Variants in KEL observed in about 807,000 individuals in gnomAD.
KEL encodes the protein kell blood group glycoprotein.
In KEL, 96 loss-of-function variants were observed where a neutral mutation model predicts 99.5. The observed-to-expected ratio is 0.97, with a 90% CI of 0.82 to 1.14. The LOEUF is 1.14. Ranked by LOEUF, KEL falls within the 50% of genes most tolerant of loss-of-function variation. The pLI, the probability that KEL is intolerant of heterozygous loss-of-function variation, is 0.00. For missense variants in KEL, 926 were observed against 924.2 expected, an observed-to-expected ratio of 1.00 and a Z score of -0.03; for synonymous variants, 355 against 354.8, an observed-to-expected ratio of 1.00 and a Z score of -0.01.
chr7:142,954,544 C>T lies in KEL; in HGVS notation c.673-17G>A, dbSNP rs779494156. 1 of 1,613,442 alleles carries T rather than the reference C, an allele frequency of 6.2e-7. No homozygotes were observed. The highest frequency in any genetic ancestry group is 8.5e-7 in the Non-Finnish European group (1 of 1,179,474). On this transcript the variant is annotated splice_polypyrimidine_tract_variant and intron_variant, in intron 6 of 18. Transcript: ENST00000355265. ...CTGGTCTATCTGGGCACAAGAGAGA[C>T]TGGAGAGAAGCAGGGAGCATGGCGG...
chr7:142,943,213 CTCCCTTGTGGTCTTCCCTTAGGT>C, intron 16 of KEL, 40 bp downstream of exon 16: 1 of 1,589,950 alleles, frequency 6.3e-7, no homozygotes, highest in Non-Finnish European at 8.6e-7. Context: ...CCCTCCAGGC[CTCCCTTGTGGTCTTCCCTTAGGT>C]TCCCTATTAT....
chr7:142,960,134 C>T (rs1796920943), intron 4 of KEL, among the ~76,000 whole-genome samples: 1 of 152,214 alleles, frequency 6.6e-6, no homozygotes, highest in Non-Finnish European at 1.5e-5. Flanking sequence ...AGGAACTTTA[C>T]TTCCACTGCC....
At chr7:142,961,297 TG>T (rs1796951646) in intron 3 of KEL, 62 bp downstream of exon 3, 1 of 1,608,314 alleles carries the variant, frequency 6.2e-7, no homozygotes, top group Non-Finnish European at 8.5e-7. Context: ...GAGCAGGGAC[TG>T]GGCCTGGGCC....
Position 142,954,049 on chromosome 7 carries a change from G to A in KEL, c.925-93C>T, listed in dbSNP as rs1451672156. The A allele has an allele frequency of 1.0e-5, 15 of 1,480,298 alleles. No individual in the cohort carries two copies. The East Asian group carries it at 2.0e-4, about 20-fold the overall frequency. The allele number at this position is 1,480,298 out of a possible 1,614,324, so 91.7% of individuals were successfully genotyped here. A position where few individuals can be genotyped will look rare whatever the true frequency, so the allele number is the denominator to read the frequency against. On this transcript the variant is annotated intron_variant, in intron 8 of 18. Transcript: ENST00000355265. ...GGGTGTGAGAAAAAGAAGAGAACAG[G>A]CTAACTGGGGGAGGGGATGGAGTCA...
intron 10 of KEL, among the ~76,000 whole-genome samples, chr7:142,948,933 A>C (rs1461488580): frequency 7.5e-6 from 1 of 133,598 alleles, no homozygotes; most frequent in Non-Finnish European, 1.5e-5. Context: ...CACACACACT[A>C]GAAACCTGAA....
intron 4 of KEL, among the ~76,000 whole-genome samples, chr7:142,958,741 T>C (rs1796889924): frequency 6.6e-6 from 1 of 152,224 alleles, no homozygotes; most frequent in Non-Finnish European, 1.5e-5. Context: ...ACATATCTCA[T>C]TAACATAGCT....
chr7:142,941,198 G>A lies in KEL; in HGVS notation c.*54C>T. On this transcript the variant is annotated 3_prime_UTR_variant, in exon 19 of 19. Coordinates refer to ENST00000355265, the MANE Select transcript of KEL (RefSeq NM_000420.3). ...AATCTTGCTCTGATTCCATGGATGT[G>A]ACCAGGGAGGTGTTGGTCGATATTT... 6.4e-7 allele frequency: 1 copy of A among 1,570,358 alleles called. No individual in the cohort carries two copies. The highest frequency in any genetic ancestry group is 8.8e-7 in the Non-Finnish European group (1 of 1,140,174).
At position 142,954,453 on chromosome 7, in the gene KEL, G is replaced by C. The variant is rs1796776062; in HGVS notation, c.735+12C>G. On this transcript the variant is annotated intron_variant, in intron 7 of 18. Transcript: ENST00000355265. ...CTCAGAGGGCAGGGCCTTTGTCCAT[G>C]TGCCATCTTACCTGGGCATAGATCT... 2 of 1,613,212 alleles carry C rather than the reference G, an allele frequency of 1.2e-6. No individual in the cohort carries two copies. The highest frequency in any genetic ancestry group is 1.3e-5 in the African/African-American group (1 of 75,020).
At chr7:142,954,676 G>A (rs1796783634) in intron 6 of KEL, 149 bp from the exon 7 acceptor site, 1 of 764,266 alleles carries the variant, frequency 1.3e-6, no homozygotes, top group African/African-American at 1.7e-5. Flanking sequence ...AAGAAAGGGA[G>A]GGATTAAGGG....
intron 4 of KEL, among the ~76,000 whole-genome samples, chr7:142,958,788 T>C (rs1796890591): frequency 1.3e-5 from 2 of 152,186 alleles, no homozygotes; most frequent in Admixed American, 6.5e-5. Flanking sequence ...ATAGGAAACA[T>C]TTGTCACCTA....
rs779027143 is a variant in KEL at position 142,960,931 on chromosome 7, G to A, written c.397C>T (p.Leu133=). 8 of 1,614,042 alleles carry A rather than the reference G, an allele frequency of 5.0e-6. No individual in the cohort carries two copies. The highest frequency in any genetic ancestry group is 4.0e-5 in the African/African-American group (3 of 74,932). ...TKNKNRLRRI[L]EVQNSWHPGS... ...TCTTCCACCCTGCTTTCCTCACCCA[G>A]TATTCTCCGAAGTCGGTTTTTGTTC... is the stretch of plus-strand genomic sequence containing the variant. Residue 133 remains leucine, a synonymous_variant, in exon 4 of 19, where the codon CTG becomes TTG. Transcript: ENST00000355265.
At chr7:142,961,664 G>A (rs796969495) in intron 2 of KEL, 131 bp downstream of exon 2, 71 of 1,276,164 alleles carry the variant, frequency 5.6e-5, no homozygotes, top group African/African-American at 4.0e-4. Flanking sequence ...CCTGGGAGAT[G>A]AGAAAACAAG....
intron 9 of KEL, among the ~76,000 whole-genome samples, chr7:142,953,039 G>A (rs973013254): frequency 6.6e-6 from 1 of 152,142 alleles, no homozygotes; most frequent in Non-Finnish European, 1.5e-5. Flanking sequence ...TGCCAGGGCT[G>A]CATTGCACCC....
chr7:142,962,227 C>T lies in KEL; in HGVS notation c.-21G>A, dbSNP rs1796978188. Reference sequence around the variant, plus strand: ...ACCATCTGTCTATCTTCTGTGGCTCCAGAATCCTTCCTGGTTCCACTCTAG... The same window carrying T: ...ACCATCTGTCTATCTTCTGTGGCTCTAGAATCCTTCCTGGTTCCACTCTAG... On this transcript the variant is annotated 5_prime_UTR_variant, in exon 1 of 19. Coordinates refer to ENST00000355265, the MANE Select transcript of KEL (RefSeq NM_000420.3). 1 of 1,614,158 alleles carries T rather than the reference C, an allele frequency of 6.2e-7. No individual in the cohort carries two copies. The highest frequency in any genetic ancestry group is 8.5e-7 in the Non-Finnish European group (1 of 1,180,002).
In KEL at chr7:142,945,292, C is replaced by A. The variant is rs774521712; in HGVS notation, c.1315-551G>T. On this transcript the variant is annotated intron_variant, in intron 11 of 18. Coordinates refer to ENST00000355265, the MANE Select transcript of KEL (RefSeq NM_000420.3). ...CCTGGAGGAAAATGAAAGGCAATAT[C>A]GAGAGCCTGGGCTCTGGCATCAGAA... Among the ~76,000 whole-genome samples the A allele has an allele frequency of 2.0e-5, 3 of 152,322 alleles. No homozygotes were observed. The East Asian group carries it at 5.8e-4, about 29-fold the overall frequency.
At chr7:142,942,161 GT>G in intron 18 of KEL, 1 of 534,470 alleles carries the variant, frequency 1.9e-6, no homozygotes, top group East Asian at 3.1e-5. Flanking sequence ...GGAAAAAAAA[GT>G]TGGTCTCCTC....
At chr7:142,961,985 C>T in intron 1 of KEL, 113 bp from the exon 2 acceptor site, 1 of 1,608,518 alleles carries the variant, frequency 6.2e-7, no homozygotes, top group East Asian at 2.2e-5. Flanking sequence ...TGCCCCCACA[C>T]ACATATTTTT....
intron 6 of KEL, 63 bp from the exon 7 acceptor site, chr7:142,954,590 G>A: frequency 6.3e-6 from 9 of 1,438,310 alleles, no homozygotes; most frequent in Non-Finnish European, 7.8e-6. Context: ...CAGGTGTGGG[G>A]AGGTGGGGAA....
chr7:142,961,231 C>T, intron 3 of KEL, 127 bp from the exon 4 acceptor site: 1 of 1,511,112 alleles, frequency 6.6e-7, no homozygotes, highest in Non-Finnish European at 9.2e-7. Context: ...GGTTAGGATG[C>T]AGGGAGGAAG....
Sources: allele counts gnomAD v4.1 joint callset (sites outside exome capture counted in the v4.1 genomes callset), GRCh38; gene constraint gnomAD v4.1.1; transcripts MANE v1.5; gene names NCBI Gene and HGNC (gene_info 2026-07-23, HGNC 2026-07-21).